The following PTPRD variants were observed in gnomAD, a reference collection of about 807,000 sequenced individuals.
PTPRD encodes the protein receptor-type tyrosine-protein phosphatase delta.
PTPRD carries 34 observed loss-of-function variants against 214.5 expected under a neutral mutation model. That is an observed-to-expected ratio of 0.16 (90% CI 0.12 to 0.21). The LOEUF (loss-of-function observed/expected upper bound fraction) is 0.21. PTPRD is among the 10% of genes least tolerant of loss of function. The pLI, the probability that PTPRD is intolerant of heterozygous loss-of-function variation, is 1.00. For synonymous variants in PTPRD, 1,128 were observed against 845.7 expected (o/e 1.33, Z -5.79); for missense variants, 2,545 against 2,398.7 (o/e 1.06, Z -1.27).
chr9:9,467,050 A>G (rs1279853637), intron 8 of PTPRD, among the ~76,000 whole-genome samples: 1 of 151,976 alleles, frequency 6.6e-6, no homozygotes, highest in African/African-American at 2.4e-5. Flanking sequence ...ACATGATGAT[A>G]TCATAGAATT....
intron 5 of PTPRD, among the ~76,000 whole-genome samples, chr9:9,863,284 A>C (rs1472462182): frequency 6.6e-6 from 1 of 152,202 alleles, no homozygotes; most frequent in African/African-American, 2.4e-5. Context: ...ATTAATAACT[A>C]TTTGAGATAC....
At chr9:10,124,744 G>T (rs775251771) in intron 3 of PTPRD, among the ~76,000 whole-genome samples, 7 of 151,948 alleles carry the variant, frequency 4.6e-5, no homozygotes, top group Non-Finnish European at 7.4e-5. Flanking sequence ...AAGTTGCATG[G>T]GCTTTGAGCA....
intron 8 of PTPRD, among the ~76,000 whole-genome samples, chr9:9,422,579 T>G (rs1344053420): frequency 6.6e-6 from 1 of 152,126 alleles, no homozygotes; most frequent in Non-Finnish European, 1.5e-5. Context: ...ATTTTTCTCC[T>G]TGGGACATGA....
At chr9:10,364,004 T>TTTTTTTGTTTTTTTTTTTTTTTTG (rs1235320533) in intron 2 of PTPRD, among the ~76,000 whole-genome samples, 1 of 130,074 alleles carries the variant, frequency 7.7e-6, no homozygotes, top group Non-Finnish European at 1.6e-5. Context: ...TTTTTTTTTT[T>TTTTTTTGTTTTTTTTTTTTTTTTG]TTTTTTTTTT....
chr9:8,471,836 T>G lies in PTPRD; in HGVS notation c.3414-751A>C, dbSNP rs149351492. Reference sequence around the variant, plus strand: ...CATCCACAAATAGGTATGGGTTATTTGTAAAGCTGTTTTGTCACTTCAGTC... The same window carrying G: ...CATCCACAAATAGGTATGGGTTATTGGTAAAGCTGTTTTGTCACTTCAGTC... On this transcript the variant is annotated intron_variant, in intron 30 of 45. Coordinates refer to ENST00000381196, the MANE Select transcript of PTPRD (RefSeq NM_002839.4). 8.9e-3 allele frequency among the ~76,000 whole-genome samples: 1,353 copies of G among 152,300 alleles called. 9 individuals are homozygous for G. The highest frequency in any genetic ancestry group is 0.02 in the Middle Eastern group (6 of 294).
At chr9:10,328,165 T>C (rs996171114) in intron 3 of PTPRD, among the ~76,000 whole-genome samples, 2 of 151,760 alleles carry the variant, frequency 1.3e-5, no homozygotes, top group African/African-American at 2.4e-5. Context: ...AGAACCATTC[T>C]TTTTATCAGT....
chr9:10,573,147 C>A (rs116302871), intron 2 of PTPRD, among the ~76,000 whole-genome samples: 3,358 of 152,146 alleles, frequency 0.022, 126 homozygotes, highest in African/African-American at 0.077. Flanking sequence ...ACCTCCCCCA[C>A]AAAAATAGAA....
chr9:9,966,335 G>T (rs1312573969), intron 4 of PTPRD, among the ~76,000 whole-genome samples: 1 of 152,060 alleles, frequency 6.6e-6, no homozygotes, highest in Non-Finnish European at 1.5e-5. Flanking sequence ...TAGGTTCATA[G>T]ACCTCGTGAT....
At chr9:9,770,502 A>C (rs116700002) in intron 5 of PTPRD, among the ~76,000 whole-genome samples, 2,108 of 152,324 alleles carry the variant, frequency 0.014, 62 homozygotes, top group African/African-American at 0.047. Context: ...GTGCCTTGAA[A>C]TAAAACTAAT....
intron 3 of PTPRD, among the ~76,000 whole-genome samples, chr9:10,155,406 G>C: frequency 6.6e-6 from 1 of 151,932 alleles, no homozygotes; most frequent in East Asian, 1.9e-4. Context: ...AGGATAGTTT[G>C]ACTTCCTCTC....
At chr9:8,804,697 A>T (rs991336715) in intron 11 of PTPRD, among the ~76,000 whole-genome samples, 2 of 151,574 alleles carry the variant, frequency 1.3e-5, no homozygotes, top group African/African-American at 4.9e-5. Flanking sequence ...TCTTACTCAG[A>T]ATACTCTAAA....
intron 3 of PTPRD, among the ~76,000 whole-genome samples, chr9:10,188,272 T>C (rs1051858106): frequency 3.3e-5 from 5 of 152,160 alleles, no homozygotes; most frequent in African/African-American, 1.2e-4. Context: ...GAAATTAGTA[T>C]TAAAGTATAA....
intron 11 of PTPRD, among the ~76,000 whole-genome samples, chr9:8,953,071 T>A (rs1333547785): frequency 6.8e-6 from 1 of 147,198 alleles, no homozygotes; most frequent in African/African-American, 2.5e-5. Flanking sequence ...TTTAGAATAG[T>A]TTTTTTTTTT....
chr9:8,535,717 G>T (rs2076767290), intron 14 of PTPRD, among the ~76,000 whole-genome samples: 1 of 151,826 alleles, frequency 6.6e-6, no homozygotes, highest in African/African-American at 2.4e-5. Context: ...AGAAGTCAGA[G>T]TTTTGTTTTT....
intron 14 of PTPRD, among the ~76,000 whole-genome samples, chr9:8,598,017 G>C (rs1049137352): frequency 6.6e-6 from 1 of 152,112 alleles, no homozygotes; most frequent in Non-Finnish European, 1.5e-5. Context: ...TACTAAAGAA[G>C]ATAGGGGTCT....
At chr9:9,317,278 A>G (rs764058094) in intron 9 of PTPRD, among the ~76,000 whole-genome samples, 4 of 152,212 alleles carry the variant, frequency 2.6e-5, no homozygotes, top group Non-Finnish European at 5.9e-5. Flanking sequence ...AACAGCTTCT[A>G]GTCCACTAGC....
intron 4 of PTPRD, among the ~76,000 whole-genome samples, chr9:10,030,368 C>T (rs1282731820): frequency 6.6e-6 from 1 of 152,086 alleles, no homozygotes; most frequent in African/African-American, 2.4e-5. Flanking sequence ...AATATGAATT[C>T]AATTTTCACA....
In PTPRD at chr9:8,723,957, A is replaced by G. The variant is rs189272135; in HGVS notation, c.64+9823T>C. ...AGTTACTGTAAATAACTGCCACAGT[A>G]CTATGTTGATTTTTGAAAACCTATT... is the stretch of plus-strand genomic sequence containing the variant. On this transcript the variant is annotated intron_variant, in intron 12 of 45. Transcript: ENST00000381196. Among the ~76,000 whole-genome samples, 214 of 152,332 alleles carry G rather than the reference A, an allele frequency of 1.4e-3. 1 individual carries two copies. Among genetic ancestry groups the G allele is most frequent in the African/African-American group, 5.0e-3 (207 of 41,588 alleles).
chr9:8,920,752 A>G (rs1468463711), intron 11 of PTPRD, among the ~76,000 whole-genome samples: 1 of 152,194 alleles, frequency 6.6e-6, no homozygotes, highest in Non-Finnish European at 1.5e-5. Flanking sequence ...CAGAATACTA[A>G]AACATGACAC....
Sources: gnomAD v4.1 joint callset for allele counts (sites outside exome capture counted in the v4.1 genomes callset) on GRCh38, gnomAD v4.1.1 for gene constraint, MANE v1.5 for transcripts, NCBI Gene and HGNC (gene_info 2026-07-23, HGNC 2026-07-21) for gene names.